The following COL15A1 variants were observed in gnomAD, a reference collection of about 807,000 sequenced individuals.
The protein encoded by COL15A1 is collagen alpha-1(XV) chain.
Under a neutral mutation model 165.9 loss-of-function variants are expected in COL15A1, and 111 were observed. That is an observed-to-expected ratio of 0.67 (90% CI 0.57 to 0.78). COL15A1 has a LOEUF of 0.78. COL15A1 is among the 30% of genes least tolerant of loss of function. The pLI, the probability that COL15A1 is intolerant of heterozygous loss-of-function variation, is 0.00. For synonymous variants in COL15A1, 659 were observed against 674.8 expected (o/e 0.98, Z 0.36); for missense variants, 1,745 against 1,789.7 (o/e 0.98, Z 0.45).
intron 8 of COL15A1, among the ~76,000 whole-genome samples, chr9:99,004,661 G>A (rs369157786): frequency 6.6e-6 from 1 of 152,196 alleles, no homozygotes; most frequent in South Asian, 2.1e-4. Flanking sequence ...CTCGGGGTTG[G>A]CAGGGAGTGG....
intron 26 of COL15A1, among the ~76,000 whole-genome samples, chr9:99,045,617 A>G (rs149500845): frequency 6.6e-6 from 1 of 152,248 alleles, no homozygotes; most frequent in Non-Finnish European, 1.5e-5. Context: ...TCATCTTCAC[A>G]ACCCCAAGAA....
In COL15A1 at chr9:99,049,671, C is replaced by T. The variant is rs763636984; in HGVS notation, c.2794-19C>T. 3.7e-6 allele frequency: 6 copies of T among 1,612,348 alleles called. No homozygotes were observed. In the East Asian group the frequency reaches 1.1e-4, roughly 30 times the overall value. ...ACAACAACCTGAACTAATGGAATGG[C>T]CTTTTTTTCTTCCTTCAGGGCCCAC... On this transcript the variant is annotated intron_variant, in intron 28 of 41. Coordinates refer to ENST00000375001, the MANE Select transcript of COL15A1 (RefSeq NM_001855.5).
rs1825684337 is a variant in COL15A1, at chr9:99,054,560, A to G, written c.2951-16A>G. On this transcript the variant is annotated splice_polypyrimidine_tract_variant and intron_variant, in intron 31 of 41. Coordinates refer to ENST00000375001, the MANE Select transcript of COL15A1 (RefSeq NM_001855.5). ...GATTTTCCATTTTTTTTTAACATGT[A>G]TGTGTTTGGTGGCAGGTGTTAAAGG... The G allele has an allele frequency of 3.8e-6, 6 of 1,593,836 alleles. No individual in the cohort carries two copies. The highest frequency in any genetic ancestry group is 3.4e-5 in the South Asian group (3 of 87,388).
chr9:98,971,610 A>C (rs1305198567), intron 2 of COL15A1, among the ~76,000 whole-genome samples: 4 of 152,198 alleles, frequency 2.6e-5, no homozygotes, highest in Non-Finnish European at 5.9e-5. Context: ...ACAGAGGTTG[A>C]GGGAAGGGGG....
chr9:98,967,004 T>G (rs1837969086), intron 2 of COL15A1, among the ~76,000 whole-genome samples: 1 of 152,234 alleles, frequency 6.6e-6, no homozygotes, highest in Non-Finnish European at 1.5e-5. Context: ...GTGTATTATT[T>G]GTACATTCAT....
chr9:99,024,801 T>G, intron 14 of COL15A1, 73 bp from the exon 15 acceptor site: 2 of 1,506,790 alleles, frequency 1.3e-6, no homozygotes, highest in South Asian at 1.3e-5. Flanking sequence ...ATTTGAGAGA[T>G]TGCATGAAGC....
At chr9:99,025,131 A>G in intron 15 of COL15A1, 132 bp downstream of exon 15, 1 of 653,436 alleles carries the variant, frequency 1.5e-6, no homozygotes, top group Non-Finnish European at 2.6e-6. Flanking sequence ...CTGTTTGTAA[A>G]CAGAAATCCT....
chr9:98,973,015 C>T (rs1308971588), intron 2 of COL15A1, among the ~76,000 whole-genome samples: 1 of 152,174 alleles, frequency 6.6e-6, no homozygotes, highest in African/African-American at 2.4e-5. Flanking sequence ...ATGATCCCTG[C>T]GTTGCCTGCC....
intron 2 of COL15A1, among the ~76,000 whole-genome samples, chr9:98,959,313 G>C (rs1451820024): frequency 2.0e-5 from 3 of 151,730 alleles, no homozygotes; most frequent in Non-Finnish European, 2.9e-5. Context: ...AGGAGGCTGA[G>C]GCAGGAGGAT....
In COL15A1 at chr9:99,055,339, G is replaced by A; in HGVS notation, c.3159G>A (p.Gly1053=). Residue 1053 remains glycine (G), a synonymous_variant, in exon 34 of 42, where the codon GGG becomes GGA. Transcript: ENST00000375001. The part of the protein sequence containing the change: ...GDINGSFLMS[G]PPGLPGNPGP... ...TTAATGGCAGCTTCCTTATGTCTGG[G>A]CCTCCAGGCCTGCCCGGAAATCCAG... 1 of 1,613,554 alleles carries A rather than the reference G, an allele frequency of 6.2e-7. No individual in the cohort carries two copies. The highest frequency in any genetic ancestry group is 8.5e-7 in the Non-Finnish European group (1 of 1,179,464).
At chr9:98,944,540 ACAGCGC>A (rs966729286) in intron 2 of COL15A1, among the ~76,000 whole-genome samples, 2 of 151,980 alleles carry the variant, frequency 1.3e-5, no homozygotes, top group African/African-American at 4.8e-5. Context: ...GACTTCAGAA[ACAGCGC>A]CAGCGCCAGC....
chr9:99,049,715 C>T lies in COL15A1; in HGVS notation c.2819C>T (p.Pro940Leu). 1.9e-6 allele frequency: 3 copies of T among 1,613,892 alleles called. No individual in the cohort carries two copies. The highest frequency in any genetic ancestry group is 2.5e-6 in the Non-Finnish European group (3 of 1,180,034). ...GGCCCACCTGGCTTACCTGGCCCTC[C>T]AGGCCCCCCTGGGCCACCTGGAGCT... ...MQGPPGLPGP[P>L]GPPGPPGAVI... The change falls in exon 29 of 42, where the codon CCA (proline) becomes CTA (leucine). Residue 940 changes from proline (P) to leucine (L), a missense_variant. Transcript: ENST00000375001.
At chr9:98,967,459 A>G (rs1837975377) in intron 2 of COL15A1, among the ~76,000 whole-genome samples, 1 of 152,190 alleles carries the variant, frequency 6.6e-6, no homozygotes, top group African/African-American at 2.4e-5. Context: ...TGACTTGGAC[A>G]GGCTTCCTGC....
At chr9:99,027,178 AGCCCT>A (rs1839140465) in intron 16 of COL15A1, among the ~76,000 whole-genome samples, 1 of 152,208 alleles carries the variant, frequency 6.6e-6, no homozygotes, top group South Asian at 2.1e-4. Context: ...AGACAAGGTG[AGCCCT>A]GTGCTAGGGA....
chr9:98,977,540 A>G (rs1395902971), intron 2 of COL15A1, among the ~76,000 whole-genome samples: 1 of 152,238 alleles, frequency 6.6e-6, no homozygotes, highest in African/African-American at 2.4e-5. Context: ...ACGCCATGCC[A>G]TGGGACAGTG....
chr9:98,988,014 G>A (rs1838346779), intron 4 of COL15A1, among the ~76,000 whole-genome samples: 4 of 152,180 alleles, frequency 2.6e-5, no homozygotes, highest in Admixed American at 2.0e-4. Context: ...GGAGGAACTT[G>A]AAGCCAGTTA....
chr9:99,019,792 C>T (rs1456251303), intron 11 of COL15A1, among the ~76,000 whole-genome samples: 1 of 152,136 alleles, frequency 6.6e-6, no homozygotes, highest in African/African-American at 2.4e-5. Context: ...TGACCCAGCA[C>T]ATAGTACATG....
At chr9:98,971,048 G>A (rs1249918504) in intron 2 of COL15A1, among the ~76,000 whole-genome samples, 1 of 152,126 alleles carries the variant, frequency 6.6e-6, no homozygotes, top group East Asian at 1.9e-4. Flanking sequence ...TGTGTTAGGG[G>A]GCCAAGGGGC....
chr9:99,003,631 G>A (rs745535638), intron 8 of COL15A1, 44 bp downstream of exon 8: 74 of 1,448,308 alleles, frequency 5.1e-5, no homozygotes, highest in Non-Finnish European at 6.4e-5. Context: ...TGTGTCTGGG[G>A]TTGTGGGTTG....
Sources: gnomAD v4.1 joint callset for allele counts (sites outside exome capture counted in the v4.1 genomes callset) on GRCh38, gnomAD v4.1.1 for gene constraint, MANE v1.5 for transcripts, NCBI Gene and HGNC (gene_info 2026-07-23, HGNC 2026-07-21) for gene names.